Variants in ATAD3B observed in about 807,000 individuals in gnomAD.
ATAD3B encodes ATPase family AAA domain-containing protein 3B.
A neutral mutation model predicts 70.2 loss-of-function variants in ATAD3B; 59 were observed. The ratio of observed to expected loss-of-function variants is 0.84; its 90% CI spans 0.68 to 1.04. The LOEUF (loss-of-function observed/expected upper bound fraction) is 1.04. ATAD3B is among the 50% of genes least tolerant of loss of function. The pLI is 0.00. For synonymous variants in ATAD3B, 423 were observed against 388.6 expected (o/e 1.09, Z -1.04); for missense variants, 961 against 913.4 (o/e 1.05, Z -0.67).
At chr1:1,491,283 C>G (rs914195780) in intron 15 of ATAD3B, among the ~76,000 whole-genome samples, 1 of 152,044 alleles carries the variant, frequency 6.6e-6, no homozygotes, top group African/African-American at 2.4e-5. Context: ...CGCCTGCAAT[C>G]CCAGCACTTT....
the ATAD3B span, chr1:1,509,327 C>G: frequency 1.9e-5 from 30 of 1,611,806 alleles, no homozygotes; most frequent in Non-Finnish European, 2.5e-5. Context: ...GGCCTGGGCC[C>G]GAGGACGAGC....
Position 1,472,097 on chromosome 1 carries a change from C to T in ATAD3B, c.205+8C>T, listed in dbSNP as rs1233074826. The stretch of plus-strand genomic sequence containing the variant: ...GCGAGCTGGAGCACTCGCGTGAGTG[C>T]GGCGGGGCGGGGCGGGGCGGGCGGG... On this transcript the variant is annotated splice_region_variant and intron_variant, in intron 1 of 15. Transcript: ENST00000673477. 1.7e-5 allele frequency: 15 copies of T among 879,908 alleles called. 1 individual carries two copies. The highest frequency in any genetic ancestry group is 5.2e-4 in the Middle Eastern group (1 of 1,932). 54.5% of individuals were successfully genotyped at this position (879,908 alleles called of 1,614,324 possible). A position where few individuals can be genotyped will look rare whatever the true frequency, so the allele number is the denominator to read the frequency against.
chr1:1,471,820 C>T lies in ATAD3B; in HGVS notation c.-65C>T, dbSNP rs1639338413. ...GCTCGCGGCGCGTGGAGGCTGCTCC[C>T]AGCCGCGCCCGAGTCAGACTCGGGT... On this transcript the variant is annotated 5_prime_UTR_variant, in exon 1 of 16. Coordinates refer to ENST00000673477, the MANE Select transcript of ATAD3B (RefSeq NM_031921.6). The T allele has an allele frequency of 1.4e-5, 17 of 1,237,256 alleles. No individual in the cohort carries two copies. The highest frequency in any genetic ancestry group is 1.6e-5 in the Non-Finnish European group (16 of 988,664). The allele number at this position is 1,237,256 out of a possible 1,614,324, so 76.6% of individuals were successfully genotyped here.
chr1:1,474,452 A>T (rs2100517510), intron 1 of ATAD3B, among the ~76,000 whole-genome samples: 1 of 150,774 alleles, frequency 6.6e-6, no homozygotes, highest in African/African-American at 2.4e-5. Flanking sequence ...GGCCACCCAA[A>T]GTGCTGGGAT....
the ATAD3B span, among the ~76,000 whole-genome samples, chr1:1,506,541 G>A: frequency 3.9e-3 from 591 of 152,082 alleles, 9 homozygotes; most frequent in African/African-American, 0.014. Flanking sequence ...GATTACCGGC[G>A]TGGGCCACGG....
chr1:1,505,858 A>C, the ATAD3B span, among the ~76,000 whole-genome samples: 1 of 152,178 alleles, frequency 6.6e-6, no homozygotes, highest in South Asian at 2.1e-4. Context: ...TCTAAGATCT[A>C]TATCTGGTAT....
intron 5 of ATAD3B, among the ~76,000 whole-genome samples, 186 bp from the exon 6 acceptor site, chr1:1,481,952 C>T (rs946659945): frequency 3.6e-5 from 5 of 138,188 alleles, no homozygotes; most frequent in Non-Finnish European, 6.0e-5. Flanking sequence ...TGGGCCGGTC[C>T]GTGGTGCGGG....
At chr1:1,478,457 G>A in intron 2 of ATAD3B, 187 bp from the exon 3 acceptor site, 1 of 1,540,024 alleles carries the variant, frequency 6.5e-7, no homozygotes, top group South Asian at 1.2e-5. Context: ...GTGCTTCTGT[G>A]CCTGTGGGTC....
At chr1:1,483,498 C>A in intron 7 of ATAD3B, 1 of 190,828 alleles carries the variant, frequency 5.2e-6, no homozygotes. Flanking sequence ...TAAGCCAGGC[C>A]TGGTGGCTCA....
chr1:1,490,445 G>A (rs1410397301), intron 14 of ATAD3B, 21 bp downstream of exon 14: 11 of 1,612,544 alleles, frequency 6.8e-6, no homozygotes, highest in East Asian at 4.5e-5. Flanking sequence ...CGCCTCACCC[G>A]GCCCCCAATC....
Position 1,497,532 on chromosome 1 carries a change from C to T in ATAD3B, c.*1715C>T, listed in dbSNP as rs571222224. 181 of 150,770 alleles carry T rather than the reference C, an allele frequency of 1.2e-3. 2 individuals carry two copies. Among genetic ancestry groups the T allele is most frequent in the African/African-American group, 4.2e-3 (171 of 40,780 alleles). 9.3% of individuals were successfully genotyped at this position (150,770 alleles called of 1,614,324 possible). On this transcript the variant is annotated 3_prime_UTR_variant, in exon 16 of 16. Coordinates refer to ENST00000673477, the MANE Select transcript of ATAD3B (RefSeq NM_031921.6). ...CCTCAATTCCTCTTTAAAGGAATTG[C>T]CTAAATCTTAAACCAGCAATCAATA...
intron 5 of ATAD3B, among the ~76,000 whole-genome samples, 173 bp from the exon 6 acceptor site, chr1:1,481,948 GGTCCGTGGTGCGGGCCT>G (rs1196795439): frequency 3.6e-5 from 5 of 138,260 alleles, no homozygotes; most frequent in African/African-American, 6.4e-5. Context: ...GGCGTGGGCC[GGTCCGTGGTGCGGGCCT>G]GTCCGTGGCC....
At chr1:1,492,435 G>A (rs1409133212) in intron 15 of ATAD3B, among the ~76,000 whole-genome samples, 1 of 151,834 alleles carries the variant, frequency 6.6e-6, no homozygotes, top group Non-Finnish European at 1.5e-5. Context: ...GCGGTGAGCT[G>A]AGATCATGCC....
At chr1:1,495,018 G>A (rs1450864051) in intron 15 of ATAD3B, among the ~76,000 whole-genome samples, 1 of 152,098 alleles carries the variant, frequency 6.6e-6, no homozygotes, top group African/African-American at 2.4e-5. Context: ...GTGCCCAGGA[G>A]GACAGGGAAA....
chr1:1,475,925 G>A (rs1413803005), intron 1 of ATAD3B, among the ~76,000 whole-genome samples: 1 of 150,238 alleles, frequency 6.7e-6, no homozygotes, highest in East Asian at 2.0e-4. Flanking sequence ...AGGTCCCCTC[G>A]GGAGGAAACA....
chr1:1,487,993 C>G, intron 12 of ATAD3B, 79 bp downstream of exon 12: 1 of 1,578,696 alleles, frequency 6.3e-7, no homozygotes, highest in Admixed American at 1.7e-5. Context: ...CAGGCTGCAG[C>G]CCTTAAGCTG....
chr1:1,489,197 T>A lies in ATAD3B; in HGVS notation c.1267-7T>A, dbSNP rs1408679466. ...TGGTGCCTAAGGCTGGAACCTTCTCTCTGCAGGAGGAGATAAGCAAGGACC... is the reference window on the plus strand; with the variant it reads ...TGGTGCCTAAGGCTGGAACCTTCTCACTGCAGGAGGAGATAAGCAAGGACC... On this transcript the variant is annotated splice_polypyrimidine_tract_variant and splice_region_variant and intron_variant, in intron 12 of 15. Transcript: ENST00000673477. The A allele has an allele frequency of 6.2e-7, 1 of 1,613,444 alleles. No homozygotes were observed.
chr1:1,501,448 G>C (rs1299962458), downstream of ATAD3B, among the ~76,000 whole-genome samples: 1 of 152,160 alleles, frequency 6.6e-6, no homozygotes, highest in Non-Finnish European at 1.5e-5. Flanking sequence ...GTAGAGACGG[G>C]GTTTCACCGT....
intron 15 of ATAD3B, among the ~76,000 whole-genome samples, chr1:1,493,020 A>G (rs1424473981): frequency 1.3e-5 from 2 of 151,736 alleles, no homozygotes; most frequent in African/African-American, 4.8e-5. Context: ...CTGAGTCAGG[A>G]GAATTGCTGG....
Sources: allele counts gnomAD v4.1 joint callset (sites outside exome capture counted in the v4.1 genomes callset), GRCh38; gene constraint gnomAD v4.1.1; transcripts MANE v1.5; gene names NCBI Gene and HGNC (gene_info 2026-07-23, HGNC 2026-07-21).